NFILZ: variants seen among roughly 807,000 people sequenced by gnomAD.
NFILZ encodes NFIL3 like protein.
chr19:8,663,754 G>GTGTGTGTGTGTGTATGTGTGTGTA (rs2043047809), intron 3 of NFILZ, among the ~76,000 whole-genome samples: 5 of 117,542 alleles, frequency 4.3e-5, no homozygotes, highest in Admixed American at 8.0e-5. Flanking sequence ...GTGTGTGTGT[G>GTGTGTGTGTGTGTATGTGTGTGTA]TGTGTGTGTG....
At chr19:8,650,271 C>G (rs2042959430) in intron 3 of NFILZ, among the ~76,000 whole-genome samples, 1 of 152,130 alleles carries the variant, frequency 6.6e-6, no homozygotes, top group East Asian at 1.9e-4. Flanking sequence ...CTGCACCCAG[C>G]TTCCTCTAAC....
At chr19:8,658,796 C>T (rs374937698) in intron 3 of NFILZ, among the ~76,000 whole-genome samples, 67 of 152,214 alleles carry the variant, frequency 4.4e-4, no homozygotes, top group African/African-American at 1.5e-3. Context: ...GAAAGAGAGA[C>T]GTTAGTTGCT....
chr19:8,663,738 G>GTGTGTGTA (rs2043045852), intron 3 of NFILZ, among the ~76,000 whole-genome samples: 1 of 23,924 alleles, frequency 4.2e-5, no homozygotes, highest in Non-Finnish European at 8.6e-5. Context: ...GTGTGTGTGT[G>GTGTGTGTA]TGTGTGTGTG....
At chr19:8,634,876 AACAAACAAACAAACAAAC>A (rs1159829250) in intron 2 of NFILZ, among the ~76,000 whole-genome samples, 1 of 4,242 alleles carries the variant, frequency 2.4e-4, no homozygotes, top group Non-Finnish European at 4.2e-3. Context: ...CAAACAAACA[AACAAACAAACAAACAAAC>A]AAACAAACAA....
rs138740763 is a variant in NFILZ, at chr19:8,647,748, A to AACACACACACACACAC, written c.-164+12009_-164+12024dup. On this transcript the variant is annotated intron_variant, in intron 3 of 5. Coordinates refer to ENST00000691075, the MANE Select transcript of NFILZ (RefSeq NM_001378600.1). ...AACACATGGACACAGGGAGGGGAACAACACACACACACACACACACACGCA... is the reference window on the plus strand; with the variant it reads ...AACACATGGACACAGGGAGGGGAACAACACACACACACACACACACACACACACACACACACACGCA... Among the ~76,000 whole-genome samples, 1,266 of 137,212 alleles carry AACACACACACACACAC rather than the reference A, an allele frequency of 9.2e-3. 6 individuals carry two copies. Among genetic ancestry groups the AACACACACACACACAC allele is most frequent in the Non-Finnish European group, 0.011 (677 of 63,332 alleles). 90.0% of individuals were successfully genotyped at this position (137,212 alleles called of 152,430 possible). A position where few individuals can be genotyped will look rare whatever the true frequency, so the allele number is the denominator to read the frequency against.
At chr19:8,660,128 G>A (rs2918313) in intron 3 of NFILZ, among the ~76,000 whole-genome samples, 17,438 of 152,156 alleles carry the variant, frequency 0.11, 1,807 homozygotes, top group East Asian at 0.31. Context: ...GGCTTGGCAG[G>A]GTAGGCCCTG....
At chr19:8,649,765 A>AG (rs2042956955) in intron 3 of NFILZ, among the ~76,000 whole-genome samples, 1 of 152,108 alleles carries the variant, frequency 6.6e-6, no homozygotes, top group East Asian at 1.9e-4. Flanking sequence ...GTCTGCTTTT[A>AG]TCATTCACAT....
chr19:8,633,187 A>AT (rs1350269416), intron 2 of NFILZ, among the ~76,000 whole-genome samples: 1 of 151,718 alleles, frequency 6.6e-6, no homozygotes, highest in African/African-American at 2.4e-5. Context: ...TGCCCAGCTA[A>AT]TTTTTTGTAT....
rs1008730626 is a variant in NFILZ, at chr19:8,658,382, T to C, written c.-163-16169T>C. On this transcript the variant is annotated intron_variant, in intron 3 of 5. Transcript: ENST00000691075. ...GGGCTGCGTTGTGCATTGTAGGATA[T>C]TCAGCAGCGTAAATATTTAGAGACC... 3.3e-5 allele frequency among the ~76,000 whole-genome samples: 5 copies of C among 152,146 alleles called. No individual in the cohort carries two copies. The East Asian group carries it at 9.7e-4, about 29-fold the overall frequency.
At chr19:8,653,980 G>A (rs2042980711) in intron 3 of NFILZ, among the ~76,000 whole-genome samples, 1 of 152,178 alleles carries the variant, frequency 6.6e-6, no homozygotes, top group Non-Finnish European at 1.5e-5. Context: ...TGTAATCCCA[G>A]CATTTTGGGA....
At chr19:8,650,211 G>GT (rs2042959238) in intron 3 of NFILZ, among the ~76,000 whole-genome samples, 1 of 151,612 alleles carries the variant, frequency 6.6e-6, no homozygotes, top group African/African-American at 2.4e-5. Context: ...TTTTGAAATA[G>GT]TTTAAGACTT....
chr19:8,657,757 TG>T (rs1224846017), intron 3 of NFILZ, among the ~76,000 whole-genome samples: 1 of 152,172 alleles, frequency 6.6e-6, no homozygotes, highest in African/African-American at 2.4e-5. Flanking sequence ...AGCAGGTTTC[TG>T]GGGGGCTCTC....
At position 8,677,810 on chromosome 19, in the gene NFILZ, G is replaced by A. The variant is rs1233199878; in HGVS notation, c.*175G>A. 6.6e-6 allele frequency among the ~76,000 whole-genome samples: 1 copy of A among 152,078 alleles called. No individual in the cohort carries two copies. The highest frequency in any genetic ancestry group is 2.4e-5 in the African/African-American group (1 of 41,396). Reference sequence around the variant, plus strand: ...AGCTTCCATACCAGACCTCCTAGGGGTGGAGTGGATGGGAGCCCATCTTGG... The same window carrying A: ...AGCTTCCATACCAGACCTCCTAGGGATGGAGTGGATGGGAGCCCATCTTGG... On this transcript the variant is annotated 3_prime_UTR_variant, in exon 6 of 6. Coordinates refer to ENST00000691075, the MANE Select transcript of NFILZ (RefSeq NM_001378600.1).
chr19:8,631,664 C>G (rs896515157), intron 1 of NFILZ, among the ~76,000 whole-genome samples: 1 of 152,148 alleles, frequency 6.6e-6, no homozygotes, highest in South Asian at 2.1e-4. Flanking sequence ...CTGGCTTCCC[C>G]TACATCCAGC....
Position 8,648,875 on chromosome 19 carries a change from TA to T in NFILZ, c.-164+13136del, listed in dbSNP as rs199668936. ...CTTAAAAAAAAAAAAAAGGCAGATG[TA>T]AAAAAAGTAAAATTGTGATTTCAGG... On this transcript the variant is annotated intron_variant, in intron 3 of 5. Transcript: ENST00000691075. 6.1e-4 allele frequency among the ~76,000 whole-genome samples: 92 copies of T among 151,378 alleles called. 2 individuals are homozygous for T. In the East Asian group the frequency reaches 0.017, roughly 28 times the overall value.
chr19:8,669,227 G>A (rs979449728), intron 3 of NFILZ, among the ~76,000 whole-genome samples: 6 of 152,172 alleles, frequency 3.9e-5, no homozygotes, highest in African/African-American at 1.4e-4. Context: ...TTACAAGCAT[G>A]AACCACCAAG....
At chr19:8,670,519 T>A (rs1052737752) in intron 3 of NFILZ, among the ~76,000 whole-genome samples, 1 of 152,242 alleles carries the variant, frequency 6.6e-6, no homozygotes, top group Non-Finnish European at 1.5e-5. Flanking sequence ...AATGAATGAA[T>A]GAGCAGATGA....
chr19:8,638,229 C>T (rs558201077), intron 3 of NFILZ, among the ~76,000 whole-genome samples: 85 of 152,280 alleles, frequency 5.6e-4, no homozygotes, highest in Middle Eastern at 6.8e-3. Context: ...AGGCGTCACA[C>T]GCTATGCTGT....
At chr19:8,656,445 CG>C (rs1568421650) in intron 3 of NFILZ, among the ~76,000 whole-genome samples, 1 of 18,826 alleles carries the variant, frequency 5.3e-5, no homozygotes, top group African/African-American at 1.2e-4. Flanking sequence ...ACCTTCTCCT[CG>C]AAGCCCACCT....
Sources: gnomAD v4.1 joint callset for allele counts (sites outside exome capture counted in the v4.1 genomes callset) on GRCh38, gnomAD v4.1.1 for gene constraint, MANE v1.5 for transcripts, NCBI Gene and HGNC (gene_info 2026-07-23, HGNC 2026-07-21) for gene names.